The following OSBP2 variants were observed in gnomAD, a reference collection of about 807,000 sequenced individuals.
OSBP2 encodes the protein oxysterol-binding protein 2.
Under a neutral mutation model 96.0 loss-of-function variants are expected in OSBP2, and 66 were observed. The observed-to-expected ratio is 0.69, with a 90% CI of 0.56 to 0.84. The LOEUF (loss-of-function observed/expected upper bound fraction) is 0.84. OSBP2 is among the 40% of genes least tolerant of loss of function. The probability of loss-of-function intolerance (pLI) is 0.00; values close to 1 mark genes in which losing one functional copy is unlikely to be tolerated. For missense variants in OSBP2, 1,038 were observed against 1,222.7 expected, an observed-to-expected ratio of 0.85 and a Z score of 2.25; for synonymous variants, 525 against 520.9, an observed-to-expected ratio of 1.01 and a Z score of -0.11.
Position 30,893,566 on chromosome 22 carries a change from G to A in OSBP2, c.2094G>A (p.Gln698=), listed in dbSNP as rs1293405960. Residue 698 remains glutamine, a splice_region_variant and synonymous_variant, in exon 10 of 14, where the codon CAG becomes CAA. Coordinates refer to ENST00000332585, the MANE Select transcript of OSBP2 (RefSeq NM_030758.4). The part of the protein sequence containing the change: ...NIIVGKLWID[Q]SGDIEIVNHK... ...TCGTGGGCAAGCTCTGGATCGACCA[G>A]GTCAGGGGCGCCCTTGGGGAGGGGG... The A allele has an allele frequency of 6.2e-7, 1 of 1,614,096 alleles. No homozygotes were observed. The highest frequency in any genetic ancestry group is 1.1e-5 in the South Asian group (1 of 91,086).
At chr22:30,892,005 A>C (rs554886153) in intron 8 of OSBP2, among the ~76,000 whole-genome samples, 26 of 152,238 alleles carry the variant, frequency 1.7e-4, no homozygotes, top group South Asian at 8.3e-4. Context: ...GAGGGTGAAG[A>C]AGCAGCAGCT....
intron 2 of OSBP2, among the ~76,000 whole-genome samples, chr22:30,808,183 A>G (rs1443608023): frequency 1.3e-5 from 2 of 152,168 alleles, no homozygotes; most frequent in Non-Finnish European, 2.9e-5. Context: ...AGGTATACAC[A>G]GAAGACACAG....
At chr22:30,747,076 G>A (rs974003902) in intron 2 of OSBP2, among the ~76,000 whole-genome samples, 12 of 152,140 alleles carry the variant, frequency 7.9e-5, no homozygotes, top group African/African-American at 2.9e-4. Context: ...GCCACATGTG[G>A]CCCTCTCAAC....
At chr22:30,712,594 C>G (rs2089371044) in intron 1 of OSBP2, among the ~76,000 whole-genome samples, 1 of 152,158 alleles carries the variant, frequency 6.6e-6, no homozygotes, top group South Asian at 2.1e-4. Flanking sequence ...ATGTGTGGAT[C>G]TACTTCATCA....
At chr22:30,757,896 C>A (rs2090160760) in intron 2 of OSBP2, among the ~76,000 whole-genome samples, 2 of 152,186 alleles carry the variant, frequency 1.3e-5, no homozygotes, top group African/African-American at 4.8e-5. Flanking sequence ...CCTCCCTGAT[C>A]CCTCATGTGC....
At chr22:30,795,989 C>A (rs1237423957) in intron 2 of OSBP2, among the ~76,000 whole-genome samples, 1 of 152,158 alleles carries the variant, frequency 6.6e-6, no homozygotes, top group Non-Finnish European at 1.5e-5. Flanking sequence ...TGGCTCCTTG[C>A]CAGTCAAGCT....
intron 1 of OSBP2, among the ~76,000 whole-genome samples, chr22:30,726,933 G>A (rs2089661407): frequency 6.6e-6 from 1 of 152,168 alleles, no homozygotes; most frequent in African/African-American, 2.4e-5. Context: ...GTTGAGCATT[G>A]TCTGAGTGGC....
At position 30,901,212 on chromosome 22, in the gene OSBP2, G is replaced by T. The variant is rs551766219; in HGVS notation, c.2376-4625G>T. Reference sequence around the variant, plus strand: ...GCCTCCTGAGGAGCTGGGATTACAGGTGTGCGCCACCACGCCCGACTAATT... The same window carrying T: ...GCCTCCTGAGGAGCTGGGATTACAGTTGTGCGCCACCACGCCCGACTAATT... On this transcript the variant is annotated intron_variant, in intron 12 of 13. Transcript: ENST00000332585. Among the ~76,000 whole-genome samples, 382 of 152,220 alleles carry T rather than the reference G, an allele frequency of 2.5e-3. 1 individual carries two copies. The highest frequency in any genetic ancestry group is 1.9e-3 in the Non-Finnish European group (129 of 68,000).
chr22:30,858,179 G>A (rs560741531), intron 2 of OSBP2, among the ~76,000 whole-genome samples: 86 of 144,122 alleles, frequency 6.0e-4, no homozygotes, highest in Non-Finnish European at 1.2e-3. Flanking sequence ...TCGCTCTGTC[G>A]CCCAGGCCGG....
intron 2 of OSBP2, among the ~76,000 whole-genome samples, chr22:30,865,631 C>CAAAAAAAA (rs398040482): frequency 8.0e-4 from 48 of 59,874 alleles, no homozygotes; most frequent in Non-Finnish European, 1.0e-3. Context: ...GACTCCATCT[C>CAAAAAAAA]AAAAAAAAAA....
intron 2 of OSBP2, among the ~76,000 whole-genome samples, chr22:30,760,790 C>G (rs2090196694): frequency 6.6e-6 from 1 of 151,160 alleles, no homozygotes; most frequent in South Asian, 2.1e-4. Context: ...TGCACCCCAG[C>G]CTGGGCAACA....
chr22:30,742,526 C>A (rs2089952958), intron 2 of OSBP2, among the ~76,000 whole-genome samples: 1 of 152,170 alleles, frequency 6.6e-6, no homozygotes, highest in South Asian at 2.1e-4. Flanking sequence ...ATTCTCCTAC[C>A]AAGAGGCAGC....
In OSBP2 at chr22:30,695,025, TGAGCGCTTCCACGTCCGGCTCCGGGCCG is replaced by T; in HGVS notation, c.121_148del (p.Ala41ProfsTer65). 1 of 1,588,190 alleles carries T rather than the reference TGAGCGCTTCCACGTCCGGCTCCGGGCCG, an allele frequency of 6.3e-7. No homozygotes were observed. On this transcript the variant is annotated frameshift_variant, in exon 1 of 14. Coordinates refer to ENST00000332585, the MANE Select transcript of OSBP2 (RefSeq NM_030758.4). LOFTEE classifies it high-confidence loss of function. ...TCGTGCCACACGGCGGCGCCGGGCA[TGAGCGCTTCCACGTCCGGCTCCGGGCCG>T]GAGCCCAAGCCCCAGCCCCAGCCCG... is the stretch of plus-strand genomic sequence containing the variant.
At chr22:30,856,816 G>A (rs2039089438) in intron 2 of OSBP2, among the ~76,000 whole-genome samples, 2 of 152,000 alleles carry the variant, frequency 1.3e-5, no homozygotes, top group Admixed American at 6.6e-5. Flanking sequence ...AGTAAGAAAT[G>A]TAACTGCCAA....
chr22:30,803,778 T>A (rs1179160415), intron 2 of OSBP2, among the ~76,000 whole-genome samples: 3 of 151,780 alleles, frequency 2.0e-5, no homozygotes, highest in Non-Finnish European at 4.4e-5. Flanking sequence ...CTGGAGTGGA[T>A]ACTGGGCAGG....
rs12166797 is a variant in OSBP2 at position 30,907,159 on chromosome 22, G to A, written c.*820G>A. 0.025 allele frequency: 3,884 copies of A among 152,676 alleles called. 161 individuals carry two copies. Among genetic ancestry groups the A allele is most frequent in the African/African-American group, 0.086 (3,587 of 41,496 alleles). 9.5% of individuals were successfully genotyped at this position (152,676 alleles called of 1,614,324 possible). A position where few individuals can be genotyped will look rare whatever the true frequency, so the allele number is the denominator to read the frequency against. On this transcript the variant is annotated 3_prime_UTR_variant, in exon 14 of 14. Coordinates refer to ENST00000332585, the MANE Select transcript of OSBP2 (RefSeq NM_030758.4). Reference sequence around the variant, plus strand: ...AAGGCAGGGCCTGCAGGTGCTCCCCGCCCTGAGACCCAGGCCCCAAATCAG... The same window carrying A: ...AAGGCAGGGCCTGCAGGTGCTCCCCACCCTGAGACCCAGGCCCCAAATCAG...
chr22:30,777,175 A>G (rs2090449100), intron 2 of OSBP2, among the ~76,000 whole-genome samples: 1 of 152,066 alleles, frequency 6.6e-6, no homozygotes, highest in South Asian at 2.1e-4. Flanking sequence ...GACTGTTGGG[A>G]AGGCTCGATT....
intron 2 of OSBP2, among the ~76,000 whole-genome samples, chr22:30,755,926 C>G (rs987479745): frequency 6.6e-6 from 1 of 152,234 alleles, no homozygotes. Flanking sequence ...TTGTCCTCAA[C>G]CCCTGGGCCT....
upstream of OSBP2, chr22:30,694,358 T>TG (rs1250033859): frequency 5.2e-6 from 8 of 1,529,822 alleles, no homozygotes; most frequent in South Asian, 2.4e-5. Flanking sequence ...ATGGCTGCCA[T>TG]GGGGGGCGGG....
Sources: gnomAD v4.1 joint callset for allele counts (sites outside exome capture counted in the v4.1 genomes callset) on GRCh38, gnomAD v4.1.1 for gene constraint, MANE v1.5 for transcripts, NCBI Gene and HGNC (gene_info 2026-07-23, HGNC 2026-07-21) for gene names.